WWOX: variants seen among roughly 807,000 people sequenced by gnomAD.
WWOX encodes the protein WW domain-containing oxidoreductase.
WWOX carries 69 observed loss-of-function variants against 46.2 expected under a neutral mutation model. That is an observed-to-expected ratio of 1.49 (90% CI 1.23 to 1.82). The LOEUF (loss-of-function observed/expected upper bound fraction) is 1.82. WWOX is among the 40% of genes most tolerant of loss of function. WWOX has a pLI of 0.00. For synonymous variants in WWOX, 359 were observed against 202.6 expected (o/e 1.77, Z -6.56); for missense variants, 919 against 542.6 (o/e 1.69, Z -6.89).
intron 8 of WWOX, among the ~76,000 whole-genome samples, chr16:78,853,248 T>A (rs1189247207): frequency 6.6e-6 from 1 of 152,158 alleles, no homozygotes; most frequent in East Asian, 1.9e-4. Flanking sequence ...TCTGAGACAG[T>A]CTTGATCTGT....
chr16:79,089,805 G>A (rs531694902), intron 8 of WWOX, among the ~76,000 whole-genome samples: 1 of 152,210 alleles, frequency 6.6e-6, no homozygotes, highest in Admixed American at 6.5e-5. Context: ...GCTGTTCTGA[G>A]AAGGAACCTT....
chr16:78,883,916 A>C (rs1355421180), intron 8 of WWOX, among the ~76,000 whole-genome samples: 1 of 152,142 alleles, frequency 6.6e-6, no homozygotes, highest in Non-Finnish European at 1.5e-5. Flanking sequence ...TAGTAACATC[A>C]GTTGGTATAA....
intron 5 of WWOX, chr16:78,269,068 C>G (rs2079424225): frequency 6.6e-6 from 1 of 152,142 alleles, no homozygotes; most frequent in African/African-American, 2.4e-5. Context: ...AGTGTGTGCC[C>G]TTTCAGGCTA....
chr16:78,321,870 G>A (rs1178748239), intron 5 of WWOX, among the ~76,000 whole-genome samples: 1 of 152,056 alleles, frequency 6.6e-6, no homozygotes, highest in Non-Finnish European at 1.5e-5. Flanking sequence ...ATATGATTCT[G>A]TTGACATTTA....
In WWOX at chr16:78,736,195, G is replaced by C. The variant is rs1017025178; in HGVS notation, c.1056+303443G>C. Among the ~76,000 whole-genome samples, 22 of 152,160 alleles carry C rather than the reference G, an allele frequency of 1.4e-4. 1 individual carries two copies. Among genetic ancestry groups the C allele is most frequent in the Non-Finnish European group, 1.8e-4 (12 of 68,034 alleles). On this transcript the variant is annotated intron_variant, in intron 8 of 8. Transcript: ENST00000566780. ...AAGTCTGGCTTCAGGTTTATCCTTGGGGGGCTCTGGAATAAAAATCACACC... is the reference window on the plus strand; with the variant it reads ...AAGTCTGGCTTCAGGTTTATCCTTGCGGGGCTCTGGAATAAAAATCACACC...
intron 5 of WWOX, among the ~76,000 whole-genome samples, chr16:78,351,614 T>C (rs2081185955): frequency 6.6e-6 from 1 of 152,152 alleles, no homozygotes; most frequent in South Asian, 2.1e-4. Flanking sequence ...TGGCTCTATA[T>C]TGCACATAGC....
At chr16:78,987,803 C>G (rs2046810294) in intron 8 of WWOX, among the ~76,000 whole-genome samples, 1 of 152,164 alleles carries the variant, frequency 6.6e-6, no homozygotes, top group African/African-American at 2.4e-5. Flanking sequence ...AAAAAATGTG[C>G]TCTCCAAAAA....
chr16:79,184,541 C>G (rs1222824800), intron 8 of WWOX, among the ~76,000 whole-genome samples: 4 of 152,186 alleles, frequency 2.6e-5, no homozygotes, highest in East Asian at 1.9e-4. Flanking sequence ...TTCCCTGACC[C>G]TGCCTCTGAC....
intron 8 of WWOX, among the ~76,000 whole-genome samples, chr16:79,060,143 C>G (rs1019324553): frequency 1.3e-5 from 2 of 152,204 alleles, no homozygotes; most frequent in African/African-American, 2.4e-5. Context: ...CTCACCTATA[C>G]TTGGGCAGTG....
At chr16:78,287,435 A>G (rs2079787290) in intron 5 of WWOX, among the ~76,000 whole-genome samples, 1 of 152,186 alleles carries the variant, frequency 6.6e-6, no homozygotes, top group African/African-American at 2.4e-5. Flanking sequence ...CACAAAAAAT[A>G]TCTATAATTT....
chr16:78,681,758 T>TGC (rs902454433), intron 8 of WWOX, among the ~76,000 whole-genome samples: 1 of 152,206 alleles, frequency 6.6e-6, no homozygotes, highest in African/African-American at 2.4e-5. Context: ...CACAAAGGCG[T>TGC]GCGCAGTGAC....
chr16:78,384,124 C>T (rs750826204), intron 5 of WWOX, among the ~76,000 whole-genome samples: 5 of 152,170 alleles, frequency 3.3e-5, no homozygotes, highest in Non-Finnish European at 5.9e-5. Flanking sequence ...TACATACATG[C>T]GTTTTTATAA....
intron 6 of WWOX, among the ~76,000 whole-genome samples, chr16:78,388,168 C>T (rs1447553286): frequency 6.6e-6 from 1 of 152,146 alleles, no homozygotes; most frequent in Non-Finnish European, 1.5e-5. Context: ...GTAGCTGGGA[C>T]TACAGATGCC....
At chr16:78,498,679 C>T (rs143488644) in intron 8 of WWOX, among the ~76,000 whole-genome samples, 26 of 152,250 alleles carry the variant, frequency 1.7e-4, no homozygotes, top group African/African-American at 5.5e-4. Flanking sequence ...TTACTTAGGC[C>T]GATTCCCCAT....
chr16:79,155,987 A>T (rs2050374056), intron 8 of WWOX, among the ~76,000 whole-genome samples: 1 of 152,044 alleles, frequency 6.6e-6, no homozygotes, highest in South Asian at 2.1e-4. Flanking sequence ...AGCACTCATA[A>T]CTCACTTAGT....
At chr16:79,031,092 C>CA (rs60529075) in intron 8 of WWOX, among the ~76,000 whole-genome samples, 77,016 of 127,222 alleles carry the variant, frequency 0.61, 22,610 homozygotes, top group East Asian at 0.84. Context: ...GACCCTGTCT[C>CA]AAAAAAAAAA....
chr16:78,220,260 G>C (rs186872517), intron 5 of WWOX, among the ~76,000 whole-genome samples: 34 of 152,286 alleles, frequency 2.2e-4, no homozygotes, highest in Admixed American at 5.2e-4. Flanking sequence ...TTAAAGGCCA[G>C]TTATGTGATG....
intron 8 of WWOX, among the ~76,000 whole-genome samples, chr16:79,066,933 G>A (rs2048452393): frequency 6.6e-6 from 1 of 151,708 alleles, no homozygotes; most frequent in Non-Finnish European, 1.5e-5. Context: ...CTGGCAGATG[G>A]GACTGGCTTG....
At chr16:78,995,068 C>G (rs962966697) in intron 8 of WWOX, among the ~76,000 whole-genome samples, 2 of 143,040 alleles carry the variant, frequency 1.4e-5, no homozygotes, top group Non-Finnish European at 3.0e-5. Flanking sequence ...GGTAAAAAGT[C>G]TGGAGGATGC....
Sources: allele counts gnomAD v4.1 joint callset (sites outside exome capture counted in the v4.1 genomes callset), GRCh38; gene constraint gnomAD v4.1.1; transcripts MANE v1.5; gene names NCBI Gene and HGNC (gene_info 2026-07-23, HGNC 2026-07-21).